Variants in CDK5RAP2 observed in about 807,000 individuals in gnomAD.
CDK5RAP2 encodes the protein CDK5 regulatory subunit associated protein 2, also known as CDK5 regulatory subunit-associated protein 2.
CDK5RAP2 carries 147 observed loss-of-function variants against 232.9 expected under a neutral mutation model. That is an observed-to-expected ratio of 0.63 (90% CI 0.55 to 0.72). CDK5RAP2 has a LOEUF of 0.72. Ranked by LOEUF, CDK5RAP2 falls within the 30% of genes least tolerant of loss-of-function variation. The pLI is 0.00. For synonymous variants in CDK5RAP2, 833 were observed against 833.7 expected (o/e 1.00, Z 0.01); for missense variants, 2,195 against 2,231.5 (o/e 0.98, Z 0.33).
intron 14 of CDK5RAP2, among the ~76,000 whole-genome samples, chr9:120,486,480 G>A (rs1004741165): frequency 3.3e-5 from 5 of 150,678 alleles, no homozygotes; most frequent in African/African-American, 4.9e-5. Context: ...CTGCCTGGTT[G>A]CATTATTCAT....
intron 19 of CDK5RAP2, among the ~76,000 whole-genome samples, chr9:120,459,608 A>AT (rs900880350): frequency 6.6e-5 from 10 of 152,362 alleles, no homozygotes; most frequent in Admixed American, 2.6e-4. Flanking sequence ...CTGAGCACTT[A>AT]TTACATGCCT....
At chr9:120,462,648 T>C (rs1443669582) in intron 18 of CDK5RAP2, among the ~76,000 whole-genome samples, 5 of 152,142 alleles carry the variant, frequency 3.3e-5, no homozygotes, top group African/African-American at 9.7e-5. Context: ...AAAGAATATA[T>C]ACAAAAGAGA....
At chr9:120,402,709 G>A in intron 34 of CDK5RAP2, 97 bp downstream of exon 34, 1 of 1,381,346 alleles carries the variant, frequency 7.2e-7, no homozygotes, top group Non-Finnish European at 1.0e-6. Context: ...TCTTCTCAGG[G>A]TCCTAATGAG....
intron 14 of CDK5RAP2, among the ~76,000 whole-genome samples, chr9:120,484,047 T>C (rs1356419887): frequency 1.3e-5 from 2 of 152,194 alleles, no homozygotes; most frequent in Non-Finnish European, 2.9e-5. Context: ...GTTAGTTAAA[T>C]ATGGTCAGTG....
chr9:120,539,193 T>C (rs758099123), intron 5 of CDK5RAP2, 29 bp from the exon 6 acceptor site: 20 of 1,613,314 alleles, frequency 1.2e-5, no homozygotes, highest in Admixed American at 5.0e-5. Context: ...GGGTAAAACA[T>C]GCAAGGGTGA....
intron 3 of CDK5RAP2, among the ~76,000 whole-genome samples, chr9:120,565,732 C>G (rs962327516): frequency 1.3e-5 from 2 of 152,166 alleles, no homozygotes; most frequent in African/African-American, 4.8e-5. Context: ...CCGTACCTGT[C>G]CCTGATGACC....
At chr9:120,551,550 A>G (rs957211118) in intron 3 of CDK5RAP2, among the ~76,000 whole-genome samples, 7 of 152,242 alleles carry the variant, frequency 4.6e-5, no homozygotes, top group African/African-American at 1.4e-4. Flanking sequence ...GCTTCTGTCT[A>G]TAACCTTTAA....
At chr9:120,570,072 G>A (rs2042795428) in intron 2 of CDK5RAP2, among the ~76,000 whole-genome samples, 1 of 152,132 alleles carries the variant, frequency 6.6e-6, no homozygotes, top group South Asian at 2.1e-4. Context: ...GAGCAAGGAG[G>A]CACCGGGCAG....
chr9:120,454,855 T>C (rs761509079), intron 20 of CDK5RAP2, among the ~76,000 whole-genome samples: 6 of 152,306 alleles, frequency 3.9e-5, no homozygotes, highest in Non-Finnish European at 5.9e-5. Context: ...CAGATCATTA[T>C]TGCACCCTTA....
chr9:120,540,967 A>AC (rs1231742726), intron 5 of CDK5RAP2, among the ~76,000 whole-genome samples: 1 of 151,894 alleles, frequency 6.6e-6, no homozygotes, highest in African/African-American at 2.4e-5. Context: ...GAATGCCATC[A>AC]CCCCCCACTC....
intron 3 of CDK5RAP2, among the ~76,000 whole-genome samples, chr9:120,552,370 G>A (rs2042074346): frequency 6.6e-6 from 1 of 152,074 alleles, no homozygotes; most frequent in Admixed American, 6.5e-5. Flanking sequence ...TATAAATCAT[G>A]CTGCTATAAA....
chr9:120,571,783 T>C (rs994042334), intron 2 of CDK5RAP2, 191 bp downstream of exon 2: 21 of 626,286 alleles, frequency 3.4e-5, no homozygotes, highest in African/African-American at 9.1e-5. Flanking sequence ...AGGACAACAA[T>C]TCCTCTAGTC....
intron 12 of CDK5RAP2, among the ~76,000 whole-genome samples, chr9:120,516,224 G>A (rs1205228616): frequency 2.0e-5 from 3 of 152,182 alleles, no homozygotes; most frequent in African/African-American, 7.2e-5. Flanking sequence ...TAGATACATG[G>A]ATGAAACTGG....
At chr9:120,513,337 A>G (rs1339046123) in intron 12 of CDK5RAP2, among the ~76,000 whole-genome samples, 2 of 152,144 alleles carry the variant, frequency 1.3e-5, no homozygotes, top group Non-Finnish European at 1.5e-5. Context: ...CAATCCTCTG[A>G]CTGGCATAGC....
At chr9:120,551,424 A>T (rs1305371606) in intron 3 of CDK5RAP2, among the ~76,000 whole-genome samples, 1 of 152,232 alleles carries the variant, frequency 6.6e-6, no homozygotes, top group Non-Finnish European at 1.5e-5. Context: ...AATTTAGGAA[A>T]CTTGCGAACA....
At position 120,453,527 on chromosome 9, in the gene CDK5RAP2, G is replaced by A. The variant is rs754129550; in HGVS notation, c.2722C>T (p.Arg908Trp). Residue 908 changes from arginine to tryptophan, a missense_variant, in exon 21 of 38, where the codon CGG (arginine) becomes TGG (tryptophan). Arg to Trp is a moderately radical substitution (Grantham distance 101). Transcript: ENST00000349780. ...GGCACCCCGTGCAGGTTCTCTGGCC[G>A]ATGCTCTGCGCTGAGTGCAGTGTTG... ...PINTALSAEH[R>W]PENLHGVPGW... 4.6e-5 allele frequency: 74 copies of A among 1,613,968 alleles called. No homozygotes were observed. Among genetic ancestry groups the A allele is most frequent in the Non-Finnish European group, 5.8e-5 (69 of 1,180,036 alleles).
intron 7 of CDK5RAP2, among the ~76,000 whole-genome samples, chr9:120,531,000 A>T (rs1368079423): frequency 6.6e-6 from 1 of 152,096 alleles, no homozygotes; most frequent in Non-Finnish European, 1.5e-5. Context: ...AAAACAAAGT[A>T]TAATTTTTAA....
chr9:120,449,837 A>G (rs1177567894), intron 21 of CDK5RAP2, among the ~76,000 whole-genome samples: 1 of 152,244 alleles, frequency 6.6e-6, no homozygotes, highest in African/African-American at 2.4e-5. Flanking sequence ...CTTCATACCT[A>G]TTAGAATGGC....
rs375335559 is a variant in CDK5RAP2, at chr9:120,463,575, C to T, written c.2107-2908G>A. 6.6e-5 allele frequency among the ~76,000 whole-genome samples: 10 copies of T among 152,238 alleles called. No homozygotes were observed. In the South Asian group the frequency reaches 1.5e-3, roughly 22 times the overall value. On this transcript the variant is annotated intron_variant, in intron 18 of 37. Coordinates refer to ENST00000349780, the MANE Select transcript of CDK5RAP2 (RefSeq NM_018249.6). ...TCCACATGGGGTTAGGAAAGAGGCA[C>T]GGAGAAGCTCCTCCCAGACTCCTGC...
Sources: gnomAD v4.1 joint callset for allele counts (sites outside exome capture counted in the v4.1 genomes callset) on GRCh38, gnomAD v4.1.1 for gene constraint, MANE v1.5 for transcripts, NCBI Gene and HGNC (gene_info 2026-07-23, HGNC 2026-07-21) for gene names.